Variants in OR7A5 observed in about 807,000 individuals in gnomAD.
OR7A5 encodes the protein olfactory receptor family 7 subfamily A member 5, also known as olfactory receptor 7A5.
For synonymous variants in OR7A5, 140 were observed against 146.7 expected, an observed-to-expected ratio of 0.95 and a Z score of 0.33; for missense variants, 319 against 377.9, an observed-to-expected ratio of 0.84 and a Z score of 1.29.
chr19:14,829,107 G>T (rs2044805569), intron 1 of OR7A5, among the ~76,000 whole-genome samples: 1 of 152,210 alleles, frequency 6.6e-6, no homozygotes, highest in South Asian at 2.1e-4. Context: ...TTTGAAAAAA[G>T]ATCTCAAGGA....
intron 1 of OR7A5, among the ~76,000 whole-genome samples, chr19:14,833,661 G>A (rs1472069737): frequency 6.6e-6 from 1 of 151,968 alleles, no homozygotes; most frequent in Non-Finnish European, 1.5e-5. Flanking sequence ...AACTGAAAAA[G>A]AATCATTGAA....
chr19:14,829,747 C>T (rs140228635), intron 1 of OR7A5, among the ~76,000 whole-genome samples: 1 of 152,088 alleles, frequency 6.6e-6, no homozygotes, highest in African/African-American at 2.4e-5. Flanking sequence ...CTTCTGGTGT[C>T]TTGGGTTCTG....
At position 14,827,219 on chromosome 19, in the gene OR7A5, T is replaced by C; in HGVS notation, c.*63A>G. On this transcript the variant is annotated 3_prime_UTR_variant, in exon 2 of 2. Coordinates refer to ENST00000322301, the MANE Select transcript of OR7A5 (RefSeq NM_017506.2). ...AATAAGTATTAATAGAAGGAGCAAG[T>C]TCTATTTCCACTATCTGATTGAAGA... 6.9e-7 allele frequency: 1 copy of C among 1,456,800 alleles called. No homozygotes were observed. The highest frequency in any genetic ancestry group is 1.6e-5 in the South Asian group (1 of 61,406). 90.2% of individuals were successfully genotyped at this position (1,456,800 alleles called of 1,614,324 possible).
At chr19:14,830,399 A>G (rs755119110) in intron 1 of OR7A5, among the ~76,000 whole-genome samples, 1 of 152,170 alleles carries the variant, frequency 6.6e-6, no homozygotes, top group African/African-American at 2.4e-5. Flanking sequence ...CCTCAGCAAA[A>G]GGACAAAAAT....
In OR7A5 at chr19:14,828,018, G is replaced by A. The variant is rs1568253883; in HGVS notation, c.224C>T (p.Ser75Phe). 2 of 1,614,196 alleles carry A rather than the reference G, an allele frequency of 1.2e-6. No homozygotes were observed. Among genetic ancestry groups the A allele is most frequent in the Non-Finnish European group, 1.7e-6 (2 of 1,180,044 alleles). Residue 75 changes from serine to phenylalanine, a missense_variant, in exon 2 of 2, where the codon TCC (serine) becomes TTC (phenylalanine). Transcript: ENST00000322301. Reference protein sequence around the residue: ...NLSFADICVTSTTIPKMLMNI... With the variant: ...NLSFADICVTFTTIPKMLMNI... ...CATCAGCATTTTTGGAATGGTGGTG[G>A]AAGTAACACAAATGTCAGCAAAGGA...
At chr19:14,831,426 C>A (rs1456349728) in intron 1 of OR7A5, among the ~76,000 whole-genome samples, 1 of 151,730 alleles carries the variant, frequency 6.6e-6, no homozygotes, top group Non-Finnish European at 1.5e-5. Context: ...TCCTGTGTGG[C>A]CTTTATTTTA....
intron 1 of OR7A5, among the ~76,000 whole-genome samples, chr19:14,831,279 G>A (rs989475739): frequency 1.3e-5 from 2 of 152,100 alleles, no homozygotes; most frequent in African/African-American, 2.4e-5. Flanking sequence ...TACAAACAAT[G>A]ACAAGATTTG....
intron 1 of OR7A5, among the ~76,000 whole-genome samples, chr19:14,832,854 A>G (rs2044847221): frequency 6.6e-6 from 1 of 152,228 alleles, no homozygotes; most frequent in Non-Finnish European, 1.5e-5. Flanking sequence ...AAATTGTTGA[A>G]GTATTGAAAA....
chr19:14,831,880 T>G (rs1436642687), intron 1 of OR7A5, among the ~76,000 whole-genome samples: 5 of 152,166 alleles, frequency 3.3e-5, no homozygotes, highest in African/African-American at 1.2e-4. Context: ...TTTGCACACG[T>G]CATGACTATT....
At chr19:14,831,142 G>A (rs1479585926) in intron 1 of OR7A5, among the ~76,000 whole-genome samples, 4 of 151,984 alleles carry the variant, frequency 2.6e-5, no homozygotes, top group Admixed American at 6.6e-5. Flanking sequence ...ACATGATGCC[G>A]GCCCCAGATA....
In OR7A5 at chr19:14,827,215, C is replaced by A. The variant is rs948300088; in HGVS notation, c.*67G>T. ...ATATAATAAGTATTAATAGAAGGAGCAAGTTCTATTTCCACTATCTGATTG... is the reference window on the plus strand; with the variant it reads ...ATATAATAAGTATTAATAGAAGGAGAAAGTTCTATTTCCACTATCTGATTG... On this transcript the variant is annotated 3_prime_UTR_variant, in exon 2 of 2. Coordinates refer to ENST00000322301, the MANE Select transcript of OR7A5 (RefSeq NM_017506.2). 7 of 1,437,762 alleles carry A rather than the reference C, an allele frequency of 4.9e-6. No individual in the cohort carries two copies. The African/African-American group carries it at 1.0e-4, about 20-fold the overall frequency. The allele number at this position is 1,437,762 out of a possible 1,614,324, so 89.1% of individuals were successfully genotyped here.
At position 14,827,188 on chromosome 19, in the gene OR7A5, A is replaced by T; in HGVS notation, c.*94T>A. ...AATCACAACAAATTGAAACTCCCAG[A>T]AATATAATAAGTATTAATAGAAGGA... On this transcript the variant is annotated 3_prime_UTR_variant, in exon 2 of 2. Transcript: ENST00000322301. 1 of 1,263,080 alleles carries T rather than the reference A, an allele frequency of 7.9e-7. No homozygotes were observed. 78.2% of individuals were successfully genotyped at this position (1,263,080 alleles called of 1,614,324 possible).
intron 1 of OR7A5, among the ~76,000 whole-genome samples, chr19:14,828,781 A>C (rs1293896267): frequency 1.3e-5 from 2 of 149,286 alleles, no homozygotes; most frequent in African/African-American, 5.0e-5. Context: ...AAAAAAAAAA[A>C]AAAAAAGAAT....
At position 14,829,291 on chromosome 19, in the gene OR7A5, C is replaced by T. The variant is rs1197758786; in HGVS notation, c.-13-1037G>A. Among the ~76,000 whole-genome samples the T allele has an allele frequency of 2.0e-5, 3 of 152,340 alleles. No individual in the cohort carries two copies. The East Asian group carries it at 5.8e-4, about 29-fold the overall frequency. On this transcript the variant is annotated intron_variant, in intron 1 of 1. Transcript: ENST00000322301. ...CAATCTCAGATCACTGCAACCTCCACCTCCCAGGTTCAAGCGATTCTCCTG... is the reference window on the plus strand; with the variant it reads ...CAATCTCAGATCACTGCAACCTCCATCTCCCAGGTTCAAGCGATTCTCCTG...
chr19:14,828,285 C>T (rs201380372), intron 1 of OR7A5, 31 bp from the exon 2 acceptor site: 209 of 1,563,394 alleles, frequency 1.3e-4, no homozygotes, highest in Middle Eastern at 3.4e-4. Context: ...AAGAGGGAAA[C>T]GAGACAGGCA....
At chr19:14,829,824 C>T (rs534960871) in intron 1 of OR7A5, among the ~76,000 whole-genome samples, 114 of 152,276 alleles carry the variant, frequency 7.5e-4, no homozygotes, top group African/African-American at 2.7e-3. Context: ...GCTCTGAAAC[C>T]TGCTGTCACT....
At position 14,827,305 on chromosome 19, in the gene OR7A5, G is replaced by T; in HGVS notation, c.937C>A (p.Gln313Lys). ...AATCATGGGCACTTCTTGAAAAATT[G>T]CCCTTTCATTGTTCCCCACAACAAA... ...IHLLWGTMKG[Q>K]FFKKCP The change falls in exon 2 of 2, where the codon CAA (glutamine) becomes AAA (lysine). Residue 313 changes from glutamine to lysine, a missense_variant. Coordinates refer to ENST00000322301, the MANE Select transcript of OR7A5 (RefSeq NM_017506.2). 6.4e-7 allele frequency: 1 copy of T among 1,553,882 alleles called. No individual in the cohort carries two copies. Among genetic ancestry groups the T allele is most frequent in the South Asian group, 1.3e-5 (1 of 79,526 alleles).
chr19:14,832,454 C>G (rs1168103325), intron 1 of OR7A5, among the ~76,000 whole-genome samples: 3 of 142,144 alleles, frequency 2.1e-5, no homozygotes, highest in South Asian at 2.3e-4. Flanking sequence ...TTTAATGGAG[C>G]CTTGCTCTGT....
At chr19:14,832,421 TC>T (rs1438463752) in intron 1 of OR7A5, among the ~76,000 whole-genome samples, 1 of 150,546 alleles carries the variant, frequency 6.6e-6, no homozygotes, top group Non-Finnish European at 1.5e-5. Flanking sequence ...TCTCTTTCTT[TC>T]TTTTTTCTTT....
Sources: allele counts gnomAD v4.1 joint callset (sites outside exome capture counted in the v4.1 genomes callset), GRCh38; gene constraint gnomAD v4.1.1; transcripts MANE v1.5; gene names NCBI Gene and HGNC (gene_info 2026-07-23, HGNC 2026-07-21).